The following GAS7 variants were observed in gnomAD, a reference collection of about 807,000 sequenced individuals.
GAS7 encodes growth arrest-specific protein 7.
Under a neutral mutation model 71.1 loss-of-function variants are expected in GAS7, and 28 were observed. The observed-to-expected ratio is 0.39, with a 90% CI of 0.29 to 0.54. The LOEUF is 0.54. GAS7 is among the 20% of genes least tolerant of loss of function. The pLI, the probability that GAS7 is intolerant of heterozygous loss-of-function variation, is 0.62. For synonymous variants in GAS7, 258 were observed against 245.8 expected, an observed-to-expected ratio of 1.05 and a Z score of -0.46; for missense variants, 436 against 627.8, an observed-to-expected ratio of 0.69 and a Z score of 3.27.
chr17:10,181,461 T>A (rs1328850928), intron 1 of GAS7, among the ~76,000 whole-genome samples: 1 of 151,586 alleles, frequency 6.6e-6, no homozygotes, highest in Non-Finnish European at 1.5e-5. Flanking sequence ...GGAGGAGGGT[T>A]ACTTCGAGGA....
chr17:10,176,847 C>T (rs537608872), intron 1 of GAS7, among the ~76,000 whole-genome samples: 24 of 152,206 alleles, frequency 1.6e-4, no homozygotes, highest in Middle Eastern at 3.4e-3. Context: ...TAACCTTGGC[C>T]GTCCGTGACC....
rs2067969061 is a variant in GAS7 at position 9,925,519 on chromosome 17, T to C, written c.1095A>G (p.Thr365=). 6.2e-7 allele frequency: 1 copy of C among 1,614,142 alleles called. No homozygotes were observed. Among genetic ancestry groups the C allele is most frequent in the East Asian group, 2.2e-5 (1 of 44,872 alleles). The change falls in exon 11 of 14, where the codon ACA becomes ACG. Residue 365 remains threonine (T), a synonymous_variant. Transcript: ENST00000432992. ...QQLEIKLSNK[T]EEDIKKARRK... ...TCCGCGCCTTCTTGATGTCCTCCTCTGTCTTGTTGCTCAGCTTGATCTCCA... is the reference window on the plus strand; with the variant it reads ...TCCGCGCCTTCTTGATGTCCTCCTCCGTCTTGTTGCTCAGCTTGATCTCCA...
At chr17:10,067,582 C>G (rs1427368493) in intron 1 of GAS7, among the ~76,000 whole-genome samples, 1 of 152,162 alleles carries the variant, frequency 6.6e-6, no homozygotes, top group African/African-American at 2.4e-5. Context: ...ATACCCCCAC[C>G]CCCTCTGGCT....
chr17:10,074,132 T>C (rs1396577946), intron 1 of GAS7, among the ~76,000 whole-genome samples: 3 of 152,114 alleles, frequency 2.0e-5, no homozygotes, highest in Non-Finnish European at 4.4e-5. Context: ...AGAAAGCAGG[T>C]GCTGAGAAAG....
chr17:9,921,281 C>T (rs1415986563), intron 11 of GAS7, among the ~76,000 whole-genome samples: 16 of 151,794 alleles, frequency 1.1e-4, no homozygotes, highest in Non-Finnish European at 1.8e-4. Context: ...CTCAGCCTCC[C>T]GAGTAGCTGG....
intron 2 of GAS7, among the ~76,000 whole-genome samples, chr17:10,006,316 CTTTTTTTTTTTTT>C (rs1168698479): frequency 6.1e-5 from 4 of 65,570 alleles, no homozygotes; most frequent in East Asian, 5.5e-4. Context: ...GCCCCAGATT[CTTTTTTTTTTTTT>C]TTTTTTTTTT....
At chr17:10,131,589 T>G (rs564674996) in intron 1 of GAS7, among the ~76,000 whole-genome samples, 1 of 152,262 alleles carries the variant, frequency 6.6e-6, no homozygotes, top group Non-Finnish European at 1.5e-5. Flanking sequence ...ACCACTGCAC[T>G]CCAGCCTGGA....
At chr17:10,197,403 A>AC (rs35971157) in intron 1 of GAS7, among the ~76,000 whole-genome samples, 64,099 of 151,762 alleles carry the variant, frequency 0.42, 16,040 homozygotes, top group Non-Finnish European at 0.56. Flanking sequence ...CTGGAAGGTC[A>AC]CCCCCCCACA....
chr17:9,991,366 A>T (rs1028938825), intron 2 of GAS7, among the ~76,000 whole-genome samples: 1 of 152,162 alleles, frequency 6.6e-6, no homozygotes, highest in African/African-American at 2.4e-5. Context: ...ACAGCTGCTT[A>T]CAAAATTCTT....
chr17:10,198,204 T>C lies in GAS7; in HGVS notation c.183+4A>G. 1 of 1,607,354 alleles carries C rather than the reference T, an allele frequency of 6.2e-7. No homozygotes were observed. Among genetic ancestry groups the C allele is most frequent in the Admixed American group, 1.7e-5 (1 of 59,980 alleles). ...CTCCTACAGCCCCGGCCCTCGCCCC[T>C]TACCTCCAGCAACTGCACGTAGCTC... On this transcript the variant is annotated splice_donor_region_variant and intron_variant, in intron 1 of 13. Transcript: ENST00000432992.
At chr17:10,110,135 A>G (rs984032934) in intron 1 of GAS7, among the ~76,000 whole-genome samples, 5 of 152,014 alleles carry the variant, frequency 3.3e-5, no homozygotes, top group Non-Finnish European at 5.9e-5. Flanking sequence ...TAGCAAAATT[A>G]TGGAATCAAC....
At chr17:10,111,732 C>T (rs1461592415) in intron 1 of GAS7, among the ~76,000 whole-genome samples, 2 of 152,084 alleles carry the variant, frequency 1.3e-5, no homozygotes, top group African/African-American at 4.8e-5. Context: ...AAGGGAATTG[C>T]GACCCTCCTT....
chr17:10,138,093 G>A (rs150158090), intron 1 of GAS7, among the ~76,000 whole-genome samples: 4,355 of 151,998 alleles, frequency 0.029, 191 homozygotes, highest in East Asian at 0.16. Flanking sequence ...CTCCCGAGTA[G>A]CTGGGACTAC....
chr17:10,134,382 A>G (rs1241071676), intron 1 of GAS7, among the ~76,000 whole-genome samples: 1 of 152,168 alleles, frequency 6.6e-6, no homozygotes, highest in Non-Finnish European at 1.5e-5. Context: ...ACAGGACTCA[A>G]TGAACACAGG....
Position 9,967,005 on chromosome 17 carries a change from A to G in GAS7, c.471+2672T>C, listed in dbSNP as rs147028266. Among the ~76,000 whole-genome samples the G allele has an allele frequency of 1.0e-3, 152 of 152,192 alleles. 2 individuals carry two copies. The East Asian group carries it at 0.014, about 14-fold the overall frequency. The stretch of plus-strand genomic sequence containing the variant: ...CAACGCACGTTCGCCCTCTCCATAT[A>G]CTACATGATTTATTTTTGTTACCCT... On this transcript the variant is annotated intron_variant, in intron 4 of 13. Coordinates refer to ENST00000432992, the MANE Select transcript of GAS7 (RefSeq NM_201433.2).
intron 1 of GAS7, among the ~76,000 whole-genome samples, chr17:10,189,881 G>GTGAGCCGAGATCACACCACTGCAC (rs1313045381): frequency 6.6e-6 from 1 of 151,366 alleles, no homozygotes; most frequent in Non-Finnish European, 1.5e-5. Context: ...AGAGGCTGCA[G>GTGAGCCGAGATCACACCACTGCAC]TGAGCCGAGA....
chr17:10,034,291 T>C lies in GAS7; in HGVS notation c.184-14394A>G. 2 of 829,250 alleles carry C rather than the reference T, an allele frequency of 2.4e-6. No individual in the cohort carries two copies. Among genetic ancestry groups the C allele is most frequent in the Non-Finnish European group, 2.9e-6 (2 of 687,882 alleles). 51.4% of individuals were successfully genotyped at this position (829,250 alleles called of 1,614,324 possible). A position where few individuals can be genotyped will look rare whatever the true frequency, so the allele number is the denominator to read the frequency against. On this transcript the variant is annotated intron_variant, in intron 1 of 13. Coordinates refer to ENST00000432992, the MANE Select transcript of GAS7 (RefSeq NM_201433.2). The surrounding 1 kb of genome is among the most constrained non-coding windows in gnomAD (Gnocchi z 4.4). Reference sequence around the variant, plus strand: ...CTCCAAGGGCTTTCATATATACATATATATAGCCTAATACTTAATAATTCT... The same window carrying C: ...CTCCAAGGGCTTTCATATATACATACATATAGCCTAATACTTAATAATTCT...
At chr17:10,167,577 A>G (rs1211120479) in intron 1 of GAS7, among the ~76,000 whole-genome samples, 2 of 152,230 alleles carry the variant, frequency 1.3e-5, no homozygotes, top group African/African-American at 4.8e-5. Flanking sequence ...TTGGCCCTAT[A>G]ACCAAGCATG....
intron 5 of GAS7, among the ~76,000 whole-genome samples, chr17:9,949,119 C>T (rs934020203): frequency 2.0e-5 from 3 of 152,076 alleles, no homozygotes; most frequent in African/African-American, 4.8e-5. Flanking sequence ...GATAGGAGGG[C>T]GGACAGCATC....
Sources: gnomAD v4.1 joint callset for allele counts (sites outside exome capture counted in the v4.1 genomes callset) on GRCh38, gnomAD v4.1.1 for gene constraint, Gnocchi (gnomAD v3.1) non-coding constraint, MANE v1.5 for transcripts, NCBI Gene and HGNC (gene_info 2026-07-23, HGNC 2026-07-21) for gene names.